The following GLG1 variants were observed in gnomAD, a reference collection of about 807,000 sequenced individuals.
The protein encoded by GLG1 is Golgi apparatus protein 1.
Under a neutral mutation model 160.5 loss-of-function variants are expected in GLG1, and 38 were observed. The ratio of observed to expected loss-of-function variants is 0.24; its 90% CI spans 0.18 to 0.31. The LOEUF (loss-of-function observed/expected upper bound fraction) is 0.31, where lower values mean the gene tolerates loss of function less well. GLG1 is among the 10% of genes least tolerant of loss of function. The pLI, the probability that GLG1 is intolerant of heterozygous loss-of-function variation, is 1.00. For missense variants in GLG1, 1,373 were observed against 1,505.2 expected, an observed-to-expected ratio of 0.91 and a Z score of 1.45; for synonymous variants, 644 against 543.4, an observed-to-expected ratio of 1.19 and a Z score of -2.57.
At chr16:74,499,267 G>T (rs556487251) in intron 4 of GLG1, among the ~76,000 whole-genome samples, 149 of 152,162 alleles carry the variant, frequency 9.8e-4, no homozygotes, top group African/African-American at 3.5e-3. Context: ...AAGAGACAGG[G>T]TCTTGCTCTG....
intron 1 of GLG1, among the ~76,000 whole-genome samples, chr16:74,573,488 G>A (rs1371791205): frequency 2.6e-5 from 4 of 151,004 alleles, no homozygotes; most frequent in Non-Finnish European, 5.9e-5. Context: ...TATAACTAGG[G>A]TTAGGAACCA....
intron 2 of GLG1, among the ~76,000 whole-genome samples, chr16:74,529,412 T>C (rs998340715): frequency 1.3e-5 from 2 of 151,954 alleles, no homozygotes; most frequent in Non-Finnish European, 2.9e-5. Context: ...CATATTTTCA[T>C]CCATTTTAAT....
intron 1 of GLG1, among the ~76,000 whole-genome samples, chr16:74,547,352 C>T (rs1396276253): frequency 2.6e-5 from 4 of 151,430 alleles, no homozygotes; most frequent in African/African-American, 9.7e-5. Context: ...AATCACATTT[C>T]GCTTTAGAAT....
At chr16:74,469,673 G>T in intron 16 of GLG1, 1 of 336,244 alleles carries the variant, frequency 3.0e-6, no homozygotes, top group Non-Finnish European at 5.5e-6. Context: ...AGGTCAGTTC[G>T]CCTCTTTCAC....
At chr16:74,601,200 T>C (rs1264633514) in intron 1 of GLG1, among the ~76,000 whole-genome samples, 2 of 152,124 alleles carry the variant, frequency 1.3e-5, no homozygotes, top group African/African-American at 4.8e-5. Flanking sequence ...GGTACATATA[T>C]AATCCTAGAA....
intron 24 of GLG1, among the ~76,000 whole-genome samples, chr16:74,457,378 C>CAA (rs1169636667): frequency 6.6e-6 from 1 of 152,158 alleles, no homozygotes; most frequent in Non-Finnish European, 1.5e-5. Context: ...GCCTGGGTGA[C>CAA]AGAGTGAGAC....
In GLG1 at chr16:74,516,008, T is replaced by C. The variant is rs535793447; in HGVS notation, c.472-7083A>G. Among the ~76,000 whole-genome samples, 4 of 151,656 alleles carry C rather than the reference T, an allele frequency of 2.6e-5. No homozygotes were observed. The East Asian group carries it at 5.8e-4, about 22-fold the overall frequency. On this transcript the variant is annotated intron_variant, in intron 2 of 25. Coordinates refer to ENST00000422840, the MANE Select transcript of GLG1 (RefSeq NM_001145667.2). ...TCAATTCAACAAGAAGAGCTAACTA[T>C]CCTAAACATATATGCACCCAATACA...
intron 16 of GLG1, chr16:74,469,342 T>C (rs1363226870): frequency 2.2e-6 from 1 of 454,258 alleles, no homozygotes. Context: ...ACATCTGTGT[T>C]AAAAACATGT....
At chr16:74,527,440 G>A (rs2017375827) in intron 2 of GLG1, among the ~76,000 whole-genome samples, 1 of 151,716 alleles carries the variant, frequency 6.6e-6, no homozygotes, top group South Asian at 2.1e-4. Flanking sequence ...AGTGGAGATG[G>A]GGTTTCACCA....
At chr16:74,537,090 T>A (rs2017707344) in intron 1 of GLG1, among the ~76,000 whole-genome samples, 1 of 152,200 alleles carries the variant, frequency 6.6e-6, no homozygotes, top group African/African-American at 2.4e-5. Flanking sequence ...AGCTGCTAAT[T>A]TAATGACCAA....
intron 1 of GLG1, among the ~76,000 whole-genome samples, chr16:74,556,558 C>T (rs144761312): frequency 2.4e-4 from 37 of 152,062 alleles, no homozygotes; most frequent in African/African-American, 8.7e-4. Flanking sequence ...GTGGTTCATG[C>T]CTGTGGTCTC....
chr16:74,491,050 T>C lies in GLG1; in HGVS notation c.1400A>G (p.Lys467Arg), dbSNP rs765344269. 6.2e-7 allele frequency: 1 copy of C among 1,614,190 alleles called. No individual in the cohort carries two copies. The highest frequency in any genetic ancestry group is 1.1e-5 in the South Asian group (1 of 91,086). Reference protein sequence around the residue: ...RKGRTLHCLMKVVRGEKGNLG... With the variant: ...RKGRTLHCLMRVVRGEKGNLG... ...GTTCCCCTTCTCCCCTCGAACTACT[T>C]TCATCAGACAGTGTAGGGTCCGCCC... The change falls in exon 8 of 26, where the codon AAA (lysine) becomes AGA (arginine). Residue 467 changes from lysine (K) to arginine (R), a missense_variant. This residue lies in a region of GLG1 where 386 missense variants were observed against 388.5 expected (regional missense o/e 0.99). Coordinates refer to ENST00000422840, the MANE Select transcript of GLG1 (RefSeq NM_001145667.2).
rs868213459 is a variant in GLG1 at position 74,606,980 on chromosome 16, C to T, written c.115G>A (p.Gly39Ser). ...KLPGQGVHSQ[G>S]QGPGANFVSF... ...ACAAAGTTGGCCCCGGGACCCTGGCCCTGGCTGTGGACGCCCTGGCCGGGG... is the reference window on the plus strand; with the variant it reads ...ACAAAGTTGGCCCCGGGACCCTGGCTCTGGCTGTGGACGCCCTGGCCGGGG... The change falls in exon 1 of 26, where the codon GGC becomes AGC. Residue 39 changes from glycine (G) to serine (S), a missense_variant. Transcript: ENST00000422840. 1 of 1,607,798 alleles carries T rather than the reference C, an allele frequency of 6.2e-7. No individual in the cohort carries two copies. Among genetic ancestry groups the T allele is most frequent in the Admixed American group, 1.7e-5 (1 of 59,432 alleles).
At chr16:74,554,786 TTAAC>T (rs1214207064) in intron 1 of GLG1, among the ~76,000 whole-genome samples, 1 of 152,180 alleles carries the variant, frequency 6.6e-6, no homozygotes, top group African/African-American at 2.4e-5. Context: ...GTTTGTCACT[TTAAC>T]TAGTTCTCTG....
chr16:74,522,760 T>C (rs2017210158), intron 2 of GLG1, among the ~76,000 whole-genome samples: 2 of 152,216 alleles, frequency 1.3e-5, no homozygotes, highest in South Asian at 4.1e-4. Context: ...CATGGCTCAC[T>C]GCAGCCTGAA....
intron 14 of GLG1, among the ~76,000 whole-genome samples, chr16:74,471,635 A>G (rs1365692948): frequency 1.3e-5 from 2 of 152,190 alleles, no homozygotes; most frequent in Non-Finnish European, 2.9e-5. Context: ...TCAGTAAATG[A>G]ATATGAAATA....
chr16:74,501,912 G>A (rs1372372582), intron 4 of GLG1, among the ~76,000 whole-genome samples: 2 of 152,198 alleles, frequency 1.3e-5, no homozygotes, highest in Non-Finnish European at 2.9e-5. Context: ...AAGCCACAGA[G>A]TTTTTCAAGA....
intron 21 of GLG1, 45 bp downstream of exon 21, chr16:74,462,443 G>C: frequency 6.4e-7 from 1 of 1,556,638 alleles, no homozygotes; most frequent in East Asian, 2.3e-5. Context: ...CCCAGGGACA[G>C]AGGCTCCATA....
At chr16:74,571,659 GGA>G (rs756103131) in intron 1 of GLG1, among the ~76,000 whole-genome samples, 290 of 13,444 alleles carry the variant, frequency 0.022, 2 homozygotes, top group African/African-American at 0.098. Flanking sequence ...ATCTCAAAAA[GGA>G]AAAAAAAAAA....
Sources: gnomAD v4.1 joint callset for allele counts (sites outside exome capture counted in the v4.1 genomes callset) on GRCh38, gnomAD v4.1.1 for gene constraint, gnomAD v4.1.1 regional missense constraint, MANE v1.5 for transcripts, NCBI Gene and HGNC (gene_info 2026-07-23, HGNC 2026-07-21) for gene names.